The following WDR41 variants were observed in gnomAD, a reference collection of about 807,000 sequenced individuals.
The protein encoded by WDR41 is WD repeat-containing protein 41.
WDR41 carries 63 observed loss-of-function variants against 69.3 expected under a neutral mutation model. That is an observed-to-expected ratio of 0.91 (90% confidence interval 0.74 to 1.12). The LOEUF (loss-of-function observed/expected upper bound fraction) is 1.12. WDR41 is among the 50% of genes most tolerant of loss of function. The probability of loss-of-function intolerance (pLI) is 0.00; values close to 1 mark genes in which losing one functional copy is unlikely to be tolerated. For synonymous variants in WDR41, 185 were observed against 192.1 expected, an observed-to-expected ratio of 0.96 and a Z score of 0.31; for missense variants, 543 against 534.5, an observed-to-expected ratio of 1.02 and a Z score of -0.16.
intron 1 of WDR41, among the ~76,000 whole-genome samples, chr5:77,608,555 G>T (rs1448261652): frequency 6.6e-6 from 1 of 152,166 alleles, no homozygotes; most frequent in Non-Finnish European, 1.5e-5. Flanking sequence ...GTACCTAAAA[G>T]CCACATGTAG....
chr5:77,540,627 G>C (rs1743071646), intron 1 of WDR41: 1 of 150,704 alleles, frequency 6.6e-6, no homozygotes, highest in South Asian at 2.1e-4. Context: ...GATCACCTGA[G>C]CCCAGGTAGG....
At chr5:77,589,757 T>A (rs1286233287) in intron 1 of WDR41, among the ~76,000 whole-genome samples, 1 of 152,180 alleles carries the variant, frequency 6.6e-6, no homozygotes, top group African/African-American at 2.4e-5. Context: ...ACATACATAA[T>A]CATGTCATTC....
intron 2 of WDR41, among the ~76,000 whole-genome samples, chr5:77,466,151 C>T (rs1007136875): frequency 2.6e-5 from 4 of 151,438 alleles, no homozygotes; most frequent in South Asian, 2.2e-4. Flanking sequence ...AGGTAACTAG[C>T]TAAAAATCAC....
At chr5:77,498,916 A>T (rs1455350001) in intron 1 of WDR41, among the ~76,000 whole-genome samples, 1 of 152,146 alleles carries the variant, frequency 6.6e-6, no homozygotes, top group African/African-American at 2.4e-5. Context: ...GAAAAAATTG[A>T]TAAATTGTAC....
intron 2 of WDR41, among the ~76,000 whole-genome samples, chr5:77,484,873 C>T (rs1018959353): frequency 6.6e-5 from 10 of 152,190 alleles, no homozygotes; most frequent in African/African-American, 9.7e-5. Flanking sequence ...TCCATTTCTG[C>T]CTTCAAGCCA....
At chr5:77,493,120 C>A (rs1186161553), upstream of WDR41, among the ~76,000 whole-genome samples, 2 of 152,140 alleles carry the variant, frequency 1.3e-5, no homozygotes, top group South Asian at 2.1e-4. Context: ...CTGGCTTCCA[C>A]CTCAGACTCA....
intron 7 of WDR41, among the ~76,000 whole-genome samples, chr5:77,450,146 G>A (rs1799566465): frequency 6.6e-6 from 1 of 152,066 alleles, no homozygotes; most frequent in African/African-American, 2.4e-5. Context: ...TCTCTCTAGG[G>A]TTTCAACGGA....
At chr5:77,463,436 C>T (rs887730185) in intron 3 of WDR41, among the ~76,000 whole-genome samples, 5 of 151,934 alleles carry the variant, frequency 3.3e-5, no homozygotes, top group Admixed American at 2.6e-4. Context: ...AAACAAAATG[C>T]TAATTTTTAG....
At chr5:77,462,304 G>T (rs1266282668) in intron 4 of WDR41, among the ~76,000 whole-genome samples, 1 of 151,094 alleles carries the variant, frequency 6.6e-6, no homozygotes, top group Non-Finnish European at 1.5e-5. Flanking sequence ...AGCTACTCGG[G>T]AGTCTGAAGC....
intron 2 of WDR41, among the ~76,000 whole-genome samples, chr5:77,466,734 T>C (rs1800324439): frequency 6.6e-6 from 1 of 151,690 alleles, no homozygotes; most frequent in South Asian, 2.1e-4. Flanking sequence ...CAATTTTTTA[T>C]TGCTGCAAGG....
In WDR41 at chr5:77,451,308, G is replaced by A. The variant is rs1799618890; in HGVS notation, c.569C>T (p.Ala190Val). The change falls in exon 7 of 13, where the codon GCA becomes GTA. Residue 190 changes from alanine to valine, a missense_variant. Coordinates refer to ENST00000296679, the MANE Select transcript of WDR41 (RefSeq NM_018268.4). The stretch of plus-strand genomic sequence containing the variant: ...ATACTCACTCAGTTCTTTGCCAACT[G>A]CTGCCACAACACAGTTCTTAGGTAT... The part of the protein sequence containing the change: ...VEIPKNCVVA[A>V]VGKELIIFRL... The A allele has an allele frequency of 1.9e-6, 3 of 1,613,642 alleles. No individual in the cohort carries two copies. Among genetic ancestry groups the A allele is most frequent in the Non-Finnish European group, 2.5e-6 (3 of 1,179,708 alleles).
intron 2 of WDR41, among the ~76,000 whole-genome samples, chr5:77,485,746 C>T (rs1801489579): frequency 6.6e-6 from 1 of 151,900 alleles, no homozygotes; most frequent in African/African-American, 2.4e-5. Flanking sequence ...TCAAAAAATA[C>T]TAAAGAAGAA....
intron 2 of WDR41, among the ~76,000 whole-genome samples, chr5:77,467,922 C>T (rs1161980710): frequency 6.6e-6 from 1 of 151,642 alleles, no homozygotes; most frequent in Non-Finnish European, 1.5e-5. Flanking sequence ...AATTCTTATC[C>T]ATATACTTCA....
intron 1 of WDR41, among the ~76,000 whole-genome samples, chr5:77,599,911 T>C (rs1744293020): frequency 6.6e-6 from 1 of 152,212 alleles, no homozygotes; most frequent in Non-Finnish European, 1.5e-5. Context: ...ACAATGGCAC[T>C]GGAGAGGAAA....
rs561635493 is a variant in WDR41 at position 77,539,569 on chromosome 5, C to T, written c.43-49997G>A. Among the ~76,000 whole-genome samples, 3 of 152,128 alleles carry T rather than the reference C, an allele frequency of 2.0e-5. No homozygotes were observed. The East Asian group carries it at 5.8e-4, about 29-fold the overall frequency. On this transcript the variant is annotated intron_variant, in intron 1 of 5. Coordinates refer to the WDR41 transcript ENST00000509971. The stretch of plus-strand genomic sequence containing the variant: ...GGTGAACACTTTTTTATTAAAAAGG[C>T]AATACAGTACACAAAACTGGTTAAG...
intron 1 of WDR41, among the ~76,000 whole-genome samples, chr5:77,577,046 C>T (rs892597926): frequency 2.0e-5 from 3 of 152,114 alleles, no homozygotes; most frequent in Admixed American, 1.3e-4. Context: ...CTGGGGACTT[C>T]ACAAGAAGAC....
At chr5:77,590,337 T>C (rs1324926614) in intron 1 of WDR41, among the ~76,000 whole-genome samples, 2 of 152,162 alleles carry the variant, frequency 1.3e-5, no homozygotes, top group African/African-American at 2.4e-5. Flanking sequence ...TTCACATGAC[T>C]GAGCATATAA....
chr5:77,501,511 T>C (rs775841791), intron 1 of WDR41, among the ~76,000 whole-genome samples: 2 of 152,248 alleles, frequency 1.3e-5, no homozygotes, highest in Non-Finnish European at 2.9e-5. Flanking sequence ...CTGACAGCTC[T>C]GAAGAGAGCA....
chr5:77,531,470 G>C (rs1389263182), intron 1 of WDR41, among the ~76,000 whole-genome samples: 1 of 151,906 alleles, frequency 6.6e-6, no homozygotes, highest in Non-Finnish European at 1.5e-5. Context: ...CGCCCACTAA[G>C]ATGGCTATAA....
Sources: allele counts gnomAD v4.1 joint callset (sites outside exome capture counted in the v4.1 genomes callset), GRCh38; gene constraint gnomAD v4.1.1; transcripts MANE v1.5; gene names NCBI Gene and HGNC (gene_info 2026-07-23, HGNC 2026-07-21).